MDFIC: variants seen among roughly 807,000 people sequenced by gnomAD.
MDFIC encodes myoD family inhibitor domain-containing protein.
Under a neutral mutation model 23.2 loss-of-function variants are expected in MDFIC, and 17 were observed. The ratio of observed to expected loss-of-function variants is 0.73; its 90% CI spans 0.50 to 1.10. MDFIC has a LOEUF of 1.10. Among genes scored for constraint, MDFIC ranks in the 50% least tolerant of loss-of-function variants. The pLI, the probability that MDFIC is intolerant of heterozygous loss-of-function variation, is 0.00. For synonymous variants in MDFIC, 120 were observed against 115.2 expected, an observed-to-expected ratio of 1.04 and a Z score of -0.27; for missense variants, 356 against 316.6, an observed-to-expected ratio of 1.12 and a Z score of -0.95.
intron 4 of MDFIC, among the ~76,000 whole-genome samples, chr7:114,988,691 T>C (rs1793554007): frequency 6.6e-6 from 1 of 152,196 alleles, no homozygotes; most frequent in Non-Finnish European, 1.5e-5. Flanking sequence ...GAATGTAGTT[T>C]GGAGATGATC....
chr7:115,014,016 C>A lies in MDFIC; in HGVS notation c.494-1672C>A, dbSNP rs949934653. On this transcript the variant is annotated intron_variant, in intron 4 of 4. Coordinates refer to ENST00000393486, the MANE Select transcript of MDFIC (RefSeq NM_001166345.3). ...CCATCATATGTAAAAGTGGGCTTGGCACTAAAAAGAAAGGAAAGAACAGTG... is the reference window on the plus strand; with the variant it reads ...CCATCATATGTAAAAGTGGGCTTGGAACTAAAAAGAAAGGAAAGAACAGTG... 7 of 985,262 alleles carry A rather than the reference C, an allele frequency of 7.1e-6. No homozygotes were observed. In the Admixed American group the frequency reaches 3.7e-4, roughly 52 times the overall value. The allele number at this position is 985,262 out of a possible 1,614,324, so 61.0% of individuals were successfully genotyped here.
intron 4 of MDFIC, chr7:115,014,367 G>A (rs1385909822): frequency 1.6e-6 from 2 of 1,283,196 alleles, no homozygotes; most frequent in African/African-American, 3.1e-5. Flanking sequence ...TCTACTTGCA[G>A]TTATATGGCA....
At chr7:114,946,592 T>C (rs1016165889) in intron 3 of MDFIC, among the ~76,000 whole-genome samples, 4 of 152,360 alleles carry the variant, frequency 2.6e-5, no homozygotes, top group African/African-American at 9.6e-5. Flanking sequence ...AGAATTCCCA[T>C]GATCTGAAGC....
At chr7:114,984,471 C>CA (rs1008980491) in intron 4 of MDFIC, among the ~76,000 whole-genome samples, 11 of 150,692 alleles carry the variant, frequency 7.3e-5, no homozygotes, top group Non-Finnish European at 1.3e-4. Context: ...TCATATTCAC[C>CA]AAAAAAAATG....
chr7:114,924,840 G>T (rs1792159826), intron 2 of MDFIC, among the ~76,000 whole-genome samples: 1 of 152,146 alleles, frequency 6.6e-6, no homozygotes, highest in Non-Finnish European at 1.5e-5. Flanking sequence ...TTTAAAGAAA[G>T]AAATTCTTGG....
At chr7:114,995,330 G>A (rs1444051046) in intron 4 of MDFIC, among the ~76,000 whole-genome samples, 1 of 152,162 alleles carries the variant, frequency 6.6e-6, no homozygotes, top group African/African-American at 2.4e-5. Context: ...GTCGTCTGAA[G>A]CCTTCTTCTC....
intron 4 of MDFIC, among the ~76,000 whole-genome samples, chr7:114,991,190 G>A (rs1791150302): frequency 6.6e-6 from 1 of 152,132 alleles, no homozygotes; most frequent in Non-Finnish European, 1.5e-5. Flanking sequence ...ACTTTGTGAT[G>A]GGGTTGTTTG....
At chr7:114,970,565 T>C (rs948957534) in intron 3 of MDFIC, among the ~76,000 whole-genome samples, 3 of 152,188 alleles carry the variant, frequency 2.0e-5, no homozygotes, top group Admixed American at 6.5e-5. Context: ...TCACTAGCTG[T>C]ACTTCTGCAA....
In MDFIC at chr7:115,017,873, C is replaced by A. The variant is rs1311094364; in HGVS notation, c.*1938C>A. The A allele has an allele frequency of 6.6e-6, 1 of 151,968 alleles. No individual in the cohort carries two copies. The highest frequency in any genetic ancestry group is 1.5e-5 in the Non-Finnish European group (1 of 67,890). 9.4% of individuals were successfully genotyped at this position (151,968 alleles called of 1,614,324 possible). On this transcript the variant is annotated 3_prime_UTR_variant, in exon 5 of 5. Coordinates refer to ENST00000393486, the MANE Select transcript of MDFIC (RefSeq NM_001166345.3). ...AGAAGCATAATTTTAGGAAGGCTTT[C>A]GCAAACCTAGCCTTTTAAGAGAGGT...
At chr7:114,974,411 T>C (rs1267886845) in intron 3 of MDFIC, among the ~76,000 whole-genome samples, 2 of 152,078 alleles carry the variant, frequency 1.3e-5, no homozygotes, top group Non-Finnish European at 2.9e-5. Context: ...GGAAAAGTCA[T>C]TTAGATTTAC....
At position 114,926,894 on chromosome 7, in the gene MDFIC, G is replaced by T. The variant is rs141577324; in HGVS notation, c.94+3767G>T. Among the ~76,000 whole-genome samples, 59 of 152,152 alleles carry T rather than the reference G, an allele frequency of 3.9e-4. No individual in the cohort carries two copies. In the East Asian group the frequency reaches 9.1e-3, roughly 23 times the overall value. ...ATATTATTTTATCCTTTTGATTAAG[G>T]ATGGCATTTCACAAAATGTGTCATC... is the stretch of plus-strand genomic sequence containing the variant. On this transcript the variant is annotated intron_variant, in intron 2 of 4. Coordinates refer to ENST00000393486, the MANE Select transcript of MDFIC (RefSeq NM_001166345.3).
chr7:114,962,648 A>G (rs1050251394), intron 3 of MDFIC, among the ~76,000 whole-genome samples: 3 of 152,236 alleles, frequency 2.0e-5, no homozygotes, highest in African/African-American at 7.2e-5. Context: ...GAGGATGTGC[A>G]GTGCTCAGAT....
intron 4 of MDFIC, among the ~76,000 whole-genome samples, chr7:115,014,901 G>A (rs1168949998): frequency 6.6e-6 from 1 of 152,080 alleles, no homozygotes; most frequent in Non-Finnish European, 1.5e-5. Flanking sequence ...AATGAACATT[G>A]TTGTTTAGAG....
In MDFIC at chr7:114,984,343, T is replaced by C. The variant is rs80070121; in HGVS notation, c.493+4562T>C. On this transcript the variant is annotated intron_variant, in intron 4 of 4. Coordinates refer to ENST00000393486, the MANE Select transcript of MDFIC (RefSeq NM_001166345.3). ...ATCTAAGTCAATTTTTTTTTTATTG[T>C]ACAGTGGTGCCCAACATAAAAAAGT... 2.2e-4 allele frequency among the ~76,000 whole-genome samples: 33 copies of C among 152,264 alleles called. No individual in the cohort carries two copies. The East Asian group carries it at 6.0e-3, about 28-fold the overall frequency.
At chr7:114,971,983 A>G (rs1585108298) in intron 3 of MDFIC, among the ~76,000 whole-genome samples, 1 of 152,336 alleles carries the variant, frequency 6.6e-6, no homozygotes, top group East Asian at 1.9e-4. Flanking sequence ...AAAGACAAAT[A>G]GTAATTCAGG....
chr7:115,016,495 T>C lies in MDFIC; in HGVS notation c.*560T>C, dbSNP rs528167523. 3.9e-4 allele frequency: 61 copies of C among 154,582 alleles called. No individual in the cohort carries two copies. The highest frequency in any genetic ancestry group is 3.6e-3 in the Admixed American group (56 of 15,608). 9.6% of individuals were successfully genotyped at this position (154,582 alleles called of 1,614,324 possible). A position where few individuals can be genotyped will look rare whatever the true frequency, so the allele number is the denominator to read the frequency against. On this transcript the variant is annotated 3_prime_UTR_variant, in exon 5 of 5. Coordinates refer to ENST00000393486, the MANE Select transcript of MDFIC (RefSeq NM_001166345.3). ...TAAAATACAAAAAGTTAGCTGGGCTTGGCGGTGTGCGCCTGTAGTCCCAGC... is the reference window on the plus strand; with the variant it reads ...TAAAATACAAAAAGTTAGCTGGGCTCGGCGGTGTGCGCCTGTAGTCCCAGC...
At chr7:114,939,759 C>T (rs1792501504) in intron 2 of MDFIC, among the ~76,000 whole-genome samples, 1 of 152,140 alleles carries the variant, frequency 6.6e-6, no homozygotes, top group South Asian at 2.1e-4. Context: ...TTCTTTTAGT[C>T]AGCAATGCTT....
intron 2 of MDFIC, among the ~76,000 whole-genome samples, 170 bp downstream of exon 2, chr7:114,923,297 C>T (rs180792373): frequency 1.1e-4 from 17 of 152,284 alleles, no homozygotes; most frequent in Admixed American, 1.0e-3. Flanking sequence ...AGGATCCTTG[C>T]CCTAGATCAA....
At chr7:114,947,482 A>G (rs1298444533) in intron 3 of MDFIC, among the ~76,000 whole-genome samples, 2 of 152,128 alleles carry the variant, frequency 1.3e-5, no homozygotes, top group African/African-American at 2.4e-5. Flanking sequence ...GTCATTTTTG[A>G]TGGGCTCCTG....
Sources: allele counts gnomAD v4.1 joint callset (sites outside exome capture counted in the v4.1 genomes callset), GRCh38; gene constraint gnomAD v4.1.1; transcripts MANE v1.5; gene names NCBI Gene and HGNC (gene_info 2026-07-23, HGNC 2026-07-21).